The following ANAPC10 variants were observed in gnomAD, a reference collection of about 807,000 sequenced individuals.
ANAPC10 encodes the protein anaphase promoting complex subunit 10.
A neutral mutation model predicts 22.0 loss-of-function variants in ANAPC10; 12 were observed. That is an observed-to-expected ratio of 0.55 (90% CI 0.35 to 0.88). The LOEUF is 0.88. Ranked by LOEUF, ANAPC10 falls within the 40% of genes least tolerant of loss-of-function variation. The probability of loss-of-function intolerance (pLI) is 0.01; values close to 1 mark genes in which losing one functional copy is unlikely to be tolerated. For missense variants in ANAPC10, 188 were observed against 220.9 expected, an observed-to-expected ratio of 0.85 and a Z score of 0.94; for synonymous variants, 65 against 69.5, an observed-to-expected ratio of 0.94 and a Z score of 0.32.
chr4:145,018,082 C>T (rs1369480901), intron 4 of ANAPC10, among the ~76,000 whole-genome samples: 2 of 150,406 alleles, frequency 1.3e-5, no homozygotes, highest in Admixed American at 6.6e-5. Flanking sequence ...CAAACCTGCA[C>T]GTTGTGCACA....
chr4:145,097,397 G>C, intron 1 of ANAPC10: 1 of 959,908 alleles, frequency 1.0e-6, no homozygotes. Context: ...TTCAATACTG[G>C]ATCGTGAACA....
At chr4:145,068,500 G>T (rs932188110) in intron 3 of ANAPC10, among the ~76,000 whole-genome samples, 3 of 152,164 alleles carry the variant, frequency 2.0e-5, no homozygotes, top group Admixed American at 1.3e-4. Context: ...TCTTCTTAAC[G>T]TGCTAGATAT....
chr4:144,995,605 T>C lies in ANAPC10; in HGVS notation c.328-2A>G, dbSNP rs1312664432. 4 of 1,594,996 alleles carry C rather than the reference T, an allele frequency of 2.5e-6. No individual in the cohort carries two copies. Among genetic ancestry groups the C allele is most frequent in the Non-Finnish European group, 1.7e-6 (2 of 1,171,164 alleles). ...ACTTGGTTCCACCAACTCAAGTTGC[T>C]GCCAAGGGAAAAAAAATCAGATTAT... On this transcript the variant is annotated splice_acceptor_variant, in intron 4 of 4. Transcript: ENST00000507656. LOFTEE classifies it high-confidence loss of function.
intron 4 of ANAPC10, among the ~76,000 whole-genome samples, chr4:145,010,605 T>C (rs1012972657): frequency 2.6e-5 from 4 of 151,838 alleles, no homozygotes; most frequent in South Asian, 2.1e-4. Context: ...TTCTAACTCA[T>C]AGATGGGAAT....
chr4:145,008,624 C>A lies in ANAPC10; in HGVS notation c.328-13021G>T, dbSNP rs183267565. Among the ~76,000 whole-genome samples, 616 of 149,496 alleles carry A rather than the reference C, an allele frequency of 4.1e-3. 8 individuals carry two copies. The highest frequency in any genetic ancestry group is 0.014 in the African/African-American group (570 of 40,730). ...CAATAGATGCAGAAAAGGCCTTTGA[C>A]AAAATTCAACACAGCCCATCATGCT... On this transcript the variant is annotated intron_variant, in intron 4 of 4. Transcript: ENST00000507656.
At position 145,052,785 on chromosome 4, in the gene ANAPC10, G is replaced by C. The variant is rs142339221; in HGVS notation, c.327+11787C>G. On this transcript the variant is annotated intron_variant, in intron 4 of 4. Transcript: ENST00000507656. Reference sequence around the variant, plus strand: ...CACCTGTAATCCCAGCTACTCGGGAGGCTGAGACAGGAGAAGCGCTTGAAC... The same window carrying C: ...CACCTGTAATCCCAGCTACTCGGGACGCTGAGACAGGAGAAGCGCTTGAAC... Among the ~76,000 whole-genome samples the C allele has an allele frequency of 9.0e-3, 1,370 of 151,934 alleles. 18 individuals carry two copies. Among genetic ancestry groups the C allele is most frequent in the South Asian group, 0.044 (212 of 4,804 alleles).
rs550942447 is a variant in ANAPC10, at chr4:145,021,953, A to G, written c.328-26350T>C. Among the ~76,000 whole-genome samples the G allele has an allele frequency of 2.0e-5, 3 of 152,352 alleles. No homozygotes were observed. In the East Asian group the frequency reaches 5.8e-4, roughly 29 times the overall value. ...ACTAATGATCAGGCAAATGCGAATT[A>G]AAATCACAATGTGACACCACCTTAC... On this transcript the variant is annotated intron_variant, in intron 4 of 4. Coordinates refer to ENST00000507656, the MANE Select transcript of ANAPC10 (RefSeq NM_001256706.2).
At chr4:145,081,432 A>C in intron 3 of ANAPC10, 1 of 345,092 alleles carries the variant, frequency 2.9e-6, no homozygotes, top group Non-Finnish European at 5.2e-6. Context: ...AAACATCTAC[A>C]TAAAAGGAAC....
At chr4:145,026,608 A>T (rs1489548393) in intron 4 of ANAPC10, among the ~76,000 whole-genome samples, 1 of 151,966 alleles carries the variant, frequency 6.6e-6, no homozygotes. Flanking sequence ...AAATGGTTCC[A>T]AACTTATTAT....
chr4:145,009,831 C>T (rs1257747141), intron 4 of ANAPC10, among the ~76,000 whole-genome samples: 7 of 151,694 alleles, frequency 4.6e-5, no homozygotes, highest in East Asian at 1.9e-4. Flanking sequence ...TGGGATCTAA[C>T]TAAACTAAAG....
At chr4:144,996,190 G>A (rs757011429) in intron 4 of ANAPC10, among the ~76,000 whole-genome samples, 2 of 150,380 alleles carry the variant, frequency 1.3e-5, no homozygotes, top group African/African-American at 2.5e-5. Flanking sequence ...ATATCCCCAC[G>A]GCTCTACACT....
intron 4 of ANAPC10, among the ~76,000 whole-genome samples, chr4:145,026,013 T>C (rs1470155587): frequency 6.6e-6 from 1 of 152,152 alleles, no homozygotes; most frequent in Non-Finnish European, 1.5e-5. Flanking sequence ...CACCTGAATA[T>C]AAAGCGAACT....
At chr4:145,038,821 CAAAAAAAAAAAAA>C (rs140379083) in intron 4 of ANAPC10, among the ~76,000 whole-genome samples, 4 of 19,222 alleles carry the variant, frequency 2.1e-4, no homozygotes, top group East Asian at 1.1e-3. Context: ...GACTCTGTCT[CAAAAAAAAAAAAA>C]AAAAAAAAAA....
At chr4:145,056,212 G>A (rs544915515) in intron 4 of ANAPC10, among the ~76,000 whole-genome samples, 12 of 152,300 alleles carry the variant, frequency 7.9e-5, no homozygotes, top group African/African-American at 2.9e-4. Context: ...AAAACAGGCT[G>A]CAGTAAAGAA....
At chr4:144,999,811 G>T (rs147796980) in intron 4 of ANAPC10, among the ~76,000 whole-genome samples, 1 of 152,062 alleles carries the variant, frequency 6.6e-6, no homozygotes, top group Admixed American at 6.5e-5. Context: ...TATACTACAC[G>T]GCTACAGTAA....
At chr4:145,053,109 T>C (rs1741379283) in intron 4 of ANAPC10, among the ~76,000 whole-genome samples, 4 of 152,134 alleles carry the variant, frequency 2.6e-5, no homozygotes, top group Admixed American at 2.6e-4. Flanking sequence ...TATGAGGGAC[T>C]TGCCCTTATG....
chr4:145,039,489 T>A (rs1739168270), intron 4 of ANAPC10, among the ~76,000 whole-genome samples: 1 of 152,208 alleles, frequency 6.6e-6, no homozygotes, highest in Non-Finnish European at 1.5e-5. Context: ...GAGATAATAA[T>A]AAATAACAAT....
chr4:145,002,229 G>A (rs1213723189), intron 4 of ANAPC10, among the ~76,000 whole-genome samples: 1 of 151,970 alleles, frequency 6.6e-6, no homozygotes, highest in African/African-American at 2.4e-5. Context: ...CCTAGTTCTG[G>A]AGAAAAAAGG....
At chr4:145,016,603 A>T (rs1333298663) in intron 4 of ANAPC10, among the ~76,000 whole-genome samples, 1 of 152,270 alleles carries the variant, frequency 6.6e-6, no homozygotes, top group African/African-American at 2.4e-5. Context: ...CTTTCTTCAC[A>T]GAATTGGAAA....
Sources: gnomAD v4.1 joint callset for allele counts (sites outside exome capture counted in the v4.1 genomes callset) on GRCh38, gnomAD v4.1.1 for gene constraint, MANE v1.5 for transcripts, NCBI Gene and HGNC (gene_info 2026-07-23, HGNC 2026-07-21) for gene names.